Variants in PCDH15 observed in about 807,000 individuals in gnomAD.
PCDH15 encodes protocadherin-15.
Under a neutral mutation model 178.5 loss-of-function variants are expected in PCDH15, and 129 were observed. That is an observed-to-expected ratio of 0.72 (90% confidence interval 0.63 to 0.84). PCDH15 has a LOEUF of 0.84. Ranked by LOEUF, PCDH15 falls within the 40% of genes least tolerant of loss-of-function variation. The pLI is 0.00. For missense variants in PCDH15, 2,230 were observed against 2,099.9 expected, an observed-to-expected ratio of 1.06 and a Z score of -1.21; for synonymous variants, 800 against 732.0, an observed-to-expected ratio of 1.09 and a Z score of -1.50.
intron 2 of PCDH15, among the ~76,000 whole-genome samples, chr10:54,576,911 C>T (rs76119487): frequency 2.7e-4 from 40 of 150,926 alleles, no homozygotes; most frequent in African/African-American, 9.5e-4. Context: ...TAGTTCCGCT[C>T]TTGAGGAGTA....
chr10:55,178,989 T>G (rs540662504), intron 1 of PCDH15, among the ~76,000 whole-genome samples: 1 of 152,254 alleles, frequency 6.6e-6, no homozygotes, highest in South Asian at 2.1e-4. Flanking sequence ...CTATTTTACT[T>G]CTTATTTCTG....
At chr10:54,574,738 G>A (rs1289195877) in intron 2 of PCDH15, among the ~76,000 whole-genome samples, 1 of 150,454 alleles carries the variant, frequency 6.6e-6, no homozygotes, top group Non-Finnish European at 1.5e-5. Context: ...GGAAGTCAGT[G>A]TGGCGATTCC....
At chr10:55,584,161 C>T (rs1348061011) in intron 2 of PCDH15, among the ~76,000 whole-genome samples, 1 of 152,016 alleles carries the variant, frequency 6.6e-6, no homozygotes, top group East Asian at 1.9e-4. Flanking sequence ...TGGGCTCCAC[C>T]GCACCCACCT....
intron 21 of PCDH15, among the ~76,000 whole-genome samples, chr10:53,980,743 G>A (rs2090569173): frequency 6.6e-6 from 1 of 152,118 alleles, no homozygotes; most frequent in Admixed American, 6.6e-5. Context: ...ATTTTTATGA[G>A]TTAAACAAAA....
At chr10:55,470,988 G>C (rs1025179559) in intron 2 of PCDH15, among the ~76,000 whole-genome samples, 5 of 151,902 alleles carry the variant, frequency 3.3e-5, no homozygotes, top group African/African-American at 7.3e-5. Flanking sequence ...TTTATGTCTT[G>C]ATGGCTAATT....
intron 3 of PCDH15, among the ~76,000 whole-genome samples, chr10:54,478,749 C>A (rs2078464647): frequency 6.6e-6 from 1 of 151,980 alleles, no homozygotes; most frequent in African/African-American, 2.4e-5. Context: ...GCCTCATTTT[C>A]CTTTTTCGCG....
At chr10:54,082,823 T>C (rs957885318) in intron 16 of PCDH15, among the ~76,000 whole-genome samples, 1 of 151,422 alleles carries the variant, frequency 6.6e-6, no homozygotes, top group Non-Finnish European at 1.5e-5. Flanking sequence ...AAACAACGCA[T>C]ATAACTGGAG....
intron 2 of PCDH15, among the ~76,000 whole-genome samples, chr10:55,091,333 A>C (rs1842311843): frequency 6.6e-6 from 1 of 151,990 alleles, no homozygotes; most frequent in African/African-American, 2.4e-5. Flanking sequence ...ATTTCATTAA[A>C]GCGAACTATG....
intron 2 of PCDH15, among the ~76,000 whole-genome samples, chr10:54,976,665 T>C (rs1683161755): frequency 6.6e-6 from 1 of 152,164 alleles, no homozygotes; most frequent in African/African-American, 2.4e-5. Context: ...TAGGAGCAAC[T>C]GGGGAAGTCA....
intron 2 of PCDH15, among the ~76,000 whole-genome samples, chr10:54,980,598 T>C (rs1486101099): frequency 6.6e-6 from 1 of 152,108 alleles, no homozygotes; most frequent in East Asian, 1.9e-4. Context: ...TGACCTACTA[T>C]ATGTGGTAGT....
At chr10:54,001,853 C>A (rs988614459) in intron 20 of PCDH15, among the ~76,000 whole-genome samples, 2 of 151,794 alleles carry the variant, frequency 1.3e-5, no homozygotes, top group African/African-American at 4.8e-5. Context: ...TAAAGACACA[C>A]ATAGACTGAA....
At chr10:55,203,474 T>C (rs1429887937) in intron 1 of PCDH15, among the ~76,000 whole-genome samples, 1 of 151,958 alleles carries the variant, frequency 6.6e-6, no homozygotes, top group African/African-American at 2.4e-5. Context: ...AATACGATAT[T>C]TGACTTGCCT....
chr10:55,478,631 G>T (rs552127891), intron 2 of PCDH15, among the ~76,000 whole-genome samples: 1 of 150,064 alleles, frequency 6.7e-6, no homozygotes, highest in Admixed American at 6.7e-5. Context: ...ATTAGGAGAA[G>T]GAAATAAATA....
intron 2 of PCDH15, among the ~76,000 whole-genome samples, chr10:55,031,553 C>T (rs769568707): frequency 2.6e-5 from 4 of 152,164 alleles, no homozygotes; most frequent in South Asian, 2.1e-4. Context: ...AACTGTAGGG[C>T]TTGGTGTCAG....
chr10:54,490,809 A>T (rs528090922), intron 3 of PCDH15, among the ~76,000 whole-genome samples: 2 of 152,318 alleles, frequency 1.3e-5, no homozygotes, highest in East Asian at 3.9e-4. Flanking sequence ...ACCTGAAATA[A>T]ATGATTTTGT....
At chr10:54,476,656 T>C (rs1589613007) in intron 3 of PCDH15, among the ~76,000 whole-genome samples, 1 of 152,132 alleles carries the variant, frequency 6.6e-6, no homozygotes, top group East Asian at 1.9e-4. Flanking sequence ...AAAGACAGAA[T>C]TGTTTGTTCA....
At chr10:53,941,295 G>C (rs898275812) in intron 23 of PCDH15, among the ~76,000 whole-genome samples, 1 of 152,096 alleles carries the variant, frequency 6.6e-6, no homozygotes, top group Non-Finnish European at 1.5e-5. Flanking sequence ...TATTCTCACT[G>C]TTCTGAAAAT....
At chr10:54,721,925 C>A (rs528730721) in intron 1 of PCDH15, among the ~76,000 whole-genome samples, 1 of 151,814 alleles carries the variant, frequency 6.6e-6, no homozygotes, top group African/African-American at 2.4e-5. Context: ...TAAAAGAAAG[C>A]TACTGGCCAA....
intron 26 of PCDH15, among the ~76,000 whole-genome samples, chr10:53,890,037 T>C (rs2081443223): frequency 6.6e-6 from 1 of 152,260 alleles, no homozygotes; most frequent in Non-Finnish European, 1.5e-5. Flanking sequence ...GTGTTCACTT[T>C]GTAAATATTT....
Sources: allele counts gnomAD v4.1 joint callset (sites outside exome capture counted in the v4.1 genomes callset), GRCh38; gene constraint gnomAD v4.1.1; transcripts MANE v1.5; gene names NCBI Gene and HGNC (gene_info 2026-07-23, HGNC 2026-07-21).